TENM2: variants seen among roughly 807,000 people sequenced by gnomAD.
TENM2 encodes the protein teneurin transmembrane protein 2.
Under a neutral mutation model 245.2 loss-of-function variants are expected in TENM2, and 52 were observed. That is an observed-to-expected ratio of 0.21 (90% CI 0.17 to 0.27). The LOEUF (loss-of-function observed/expected upper bound fraction) is 0.27, where lower values mean the gene tolerates loss of function less well. Among genes scored for constraint, TENM2 ranks in the 10% least tolerant of loss-of-function variants. The pLI is 1.00. For synonymous variants in TENM2, 1,363 were observed against 1,438.9 expected, an observed-to-expected ratio of 0.95 and a Z score of 1.19; for missense variants, 3,046 against 3,666.8, an observed-to-expected ratio of 0.83 and a Z score of 4.37.
chr5:167,930,145 A>T (rs546241371), intron 3 of TENM2, among the ~76,000 whole-genome samples: 1 of 152,214 alleles, frequency 6.6e-6, no homozygotes, highest in South Asian at 2.1e-4. Flanking sequence ...CAGACCAGAG[A>T]TGTAAAAAGA....
intron 2 of TENM2, among the ~76,000 whole-genome samples, chr5:167,834,893 G>A (rs936351938): frequency 2.0e-5 from 3 of 151,992 alleles, no homozygotes; most frequent in Non-Finnish European, 2.9e-5. Flanking sequence ...CTCGTGATCC[G>A]CCCGCCTCGG....
At chr5:167,321,865 A>T (rs1160032277) in intron 1 of TENM2, among the ~76,000 whole-genome samples, 2 of 125,228 alleles carry the variant, frequency 1.6e-5, no homozygotes, top group African/African-American at 6.2e-5. Context: ...CTGGAGTTAC[A>T]GTGGTGTAAC....
chr5:167,180,191 C>T, the TENM2 span, among the ~76,000 whole-genome samples: 5 of 147,274 alleles, frequency 3.4e-5, no homozygotes, highest in African/African-American at 5.2e-5. Flanking sequence ...CTCACCACAA[C>T]GTCCGCCTCC....
chr5:168,148,111 G>A (rs75387614), intron 12 of TENM2, among the ~76,000 whole-genome samples: 14 of 152,306 alleles, frequency 9.2e-5, no homozygotes, highest in Admixed American at 5.9e-4. Flanking sequence ...GAGTGTGTAC[G>A]TGTGGAAACT....
chr5:166,986,399 T>C, the TENM2 span, among the ~76,000 whole-genome samples: 3 of 152,180 alleles, frequency 2.0e-5, no homozygotes, highest in African/African-American at 4.8e-5. Flanking sequence ...TGTATTTTTT[T>C]CCCACTTGTT....
chr5:167,462,190 C>G (rs1338428710), intron 2 of TENM2, among the ~76,000 whole-genome samples: 1 of 127,100 alleles, frequency 7.9e-6, no homozygotes, highest in Admixed American at 9.6e-5. Context: ...CACCCCCCCC[C>G]CCCATTGCAG....
chr5:167,615,556 T>C (rs1777736746), intron 2 of TENM2, among the ~76,000 whole-genome samples: 1 of 152,152 alleles, frequency 6.6e-6, no homozygotes, highest in Admixed American at 6.6e-5. Flanking sequence ...TTTCAGAATA[T>C]GATAAATGCT....
At chr5:168,024,162 ACTTTT>A (rs1272761613) in intron 5 of TENM2, among the ~76,000 whole-genome samples, 1 of 152,168 alleles carries the variant, frequency 6.6e-6, no homozygotes, top group Non-Finnish European at 1.5e-5. Flanking sequence ...GAGTTCAGGC[ACTTTT>A]CTTTGTTGGA....
chr5:167,510,557 T>C (rs545359510), intron 2 of TENM2, among the ~76,000 whole-genome samples: 3 of 146,472 alleles, frequency 2.0e-5, no homozygotes, highest in African/African-American at 7.6e-5. Context: ...GAACTGTTAC[T>C]ATAGAAAAAA....
chr5:167,460,473 A>C (rs1351583121), intron 2 of TENM2, among the ~76,000 whole-genome samples: 1 of 152,124 alleles, frequency 6.6e-6, no homozygotes, highest in Non-Finnish European at 1.5e-5. Flanking sequence ...TTCTTTTAAA[A>C]TTTTATTTGC....
chr5:168,116,559 T>A, intron 9 of TENM2, among the ~76,000 whole-genome samples: 1 of 152,070 alleles, frequency 6.6e-6, no homozygotes, highest in East Asian at 1.9e-4. Context: ...CCCCCACCAC[T>A]GGGAAATCTC....
rs1763378286 is a variant in TENM2 at position 168,218,346 on chromosome 5, T to A, written c.4455T>A (p.Thr1485=). Residue 1485 remains threonine (T), a synonymous_variant, in exon 23 of 29, where the codon ACT becomes ACA. Coordinates refer to ENST00000518659, the Ensembl canonical transcript of TENM2. The surrounding 1 kb of genome is among the most constrained non-coding windows in gnomAD (Gnocchi z 5.2). ...CCAGTGCCATTGCCATTTCTCACACTGGGGTCCTCTACATCACTGAGACAG... is the reference window on the plus strand; with the variant it reads ...CCAGTGCCATTGCCATTTCTCACACAGGGGTCCTCTACATCACTGAGACAG... The A allele has an allele frequency of 1.2e-6, 2 of 1,613,894 alleles. No individual in the cohort carries two copies. The highest frequency in any genetic ancestry group is 2.2e-5 in the East Asian group (1 of 44,890).
Position 167,887,767 on chromosome 5 carries a change from T to C in TENM2, c.712+11572T>C, listed in dbSNP as rs74665647. 8.3e-3 allele frequency among the ~76,000 whole-genome samples: 1,268 copies of C among 152,342 alleles called. 15 individuals carry two copies. Among genetic ancestry groups the C allele is most frequent in the African/African-American group, 0.029 (1,189 of 41,574 alleles). On this transcript the variant is annotated intron_variant, in intron 3 of 28. Transcript: ENST00000518659. ...ATGGATTCATTTGCTGGAGCTGCCC[T>C]AACAAAGTACCACGAACTAGGTGGC...
intron 2 of TENM2, among the ~76,000 whole-genome samples, chr5:167,462,361 G>A (rs1028689669): frequency 6.6e-6 from 1 of 152,116 alleles, no homozygotes; most frequent in African/African-American, 2.4e-5. Context: ...GACATCTGAA[G>A]CCCCAGTGGG....
chr5:167,957,736 G>A (rs1192594370), intron 4 of TENM2, among the ~76,000 whole-genome samples: 1 of 152,202 alleles, frequency 6.6e-6, no homozygotes. Context: ...TATTTACCCA[G>A]TAGTCATTCA....
chr5:167,926,479 G>A (rs1482295143), intron 3 of TENM2, among the ~76,000 whole-genome samples: 1 of 152,102 alleles, frequency 6.6e-6, no homozygotes, highest in Non-Finnish European at 1.5e-5. Context: ...CAGCACTTTG[G>A]GAGGCCAAGG....
At chr5:167,461,086 T>C (rs1434294510) in intron 2 of TENM2, among the ~76,000 whole-genome samples, 2 of 152,232 alleles carry the variant, frequency 1.3e-5, no homozygotes, top group African/African-American at 4.8e-5. Flanking sequence ...AGTACTATTT[T>C]AAGCATTATG....
At chr5:167,438,487 G>A (rs761206448) in intron 2 of TENM2, among the ~76,000 whole-genome samples, 3 of 152,032 alleles carry the variant, frequency 2.0e-5, no homozygotes, top group Non-Finnish European at 4.4e-5. Context: ...TGCCTCCTGA[G>A]TTCACGGTAT....
intron 2 of TENM2, among the ~76,000 whole-genome samples, chr5:167,829,317 C>T (rs1768262046): frequency 6.6e-6 from 1 of 152,218 alleles, no homozygotes; most frequent in South Asian, 2.1e-4. Flanking sequence ...GGCTTGCCAG[C>T]TTGTTGAGGA....
Sources: allele counts gnomAD v4.1 joint callset (sites outside exome capture counted in the v4.1 genomes callset), GRCh38; gene constraint gnomAD v4.1.1; non-coding constraint Gnocchi (gnomAD v3.1); transcripts MANE v1.5; gene names NCBI Gene and HGNC (gene_info 2026-07-23, HGNC 2026-07-21).